The following DHX57 variants were observed in gnomAD, a reference collection of about 807,000 sequenced individuals.
DHX57 encodes putative ATP-dependent RNA helicase DHX57.
DHX57 carries 105 observed loss-of-function variants against 156.2 expected under a neutral mutation model. That is an observed-to-expected ratio of 0.67 (90% CI 0.57 to 0.79). The LOEUF is 0.79. Among genes scored for constraint, DHX57 ranks in the 30% least tolerant of loss-of-function variants. DHX57 has a pLI of 0.00. For synonymous variants in DHX57, 704 were observed against 595.6 expected (o/e 1.18, Z -2.65); for missense variants, 1,847 against 1,661.9 (o/e 1.11, Z -1.94).
At chr2:38,856,636 TGG>T in intron 6 of DHX57, 175 bp from the exon 7 acceptor site, 1 of 747,550 alleles carries the variant, frequency 1.3e-6, no homozygotes, top group East Asian at 3.2e-5. Flanking sequence ...CCCAAGTAGC[TGG>T]GACTACAGGT....
At chr2:38,838,686 G>A in intron 12 of DHX57, 1 of 424,180 alleles carries the variant, frequency 2.4e-6, no homozygotes, top group Non-Finnish European at 4.7e-6. Flanking sequence ...TCAATGGACA[G>A]AGACCCCAGC....
chr2:38,801,378 A>G (rs1317685775), intron 23 of DHX57, among the ~76,000 whole-genome samples: 1 of 150,948 alleles, frequency 6.6e-6, no homozygotes, highest in Non-Finnish European at 1.5e-5. Context: ...AGTTGGGATT[A>G]CGGGTGTCCA....
chr2:38,857,099 T>G (rs1220062575), intron 6 of DHX57: 1 of 154,186 alleles, frequency 6.5e-6, no homozygotes, highest in Non-Finnish European at 1.5e-5. Context: ...TCTATACCTG[T>G]GCTGTCCAAT....
chr2:38,811,098 C>A, intron 21 of DHX57: 1 of 565,188 alleles, frequency 1.8e-6, no homozygotes, highest in Non-Finnish European at 3.3e-6. Context: ...TCCAAGATTC[C>A]AGCCTCGTGG....
chr2:38,870,504 A>T (rs1205881232), intron 1 of DHX57, among the ~76,000 whole-genome samples: 8 of 152,366 alleles, frequency 5.3e-5, no homozygotes, highest in East Asian at 1.9e-4. Flanking sequence ...ACAGGGGGGA[A>T]CCCCAATAAA....
chr2:38,848,643 A>G (rs1672416940), intron 9 of DHX57, among the ~76,000 whole-genome samples: 3 of 152,216 alleles, frequency 2.0e-5, no homozygotes, highest in Admixed American at 2.0e-4. Context: ...CTCAGATTTT[A>G]GAATAGTTGC....
intron 11 of DHX57, 82 bp downstream of exon 11, chr2:38,846,937 T>G (rs1672318898): frequency 1.6e-6 from 2 of 1,214,066 alleles, no homozygotes; most frequent in Non-Finnish European, 2.4e-6. Context: ...CCTCCCACCT[T>G]TGCCTTCCAA....
intron 22 of DHX57, among the ~76,000 whole-genome samples, chr2:38,804,231 C>T (rs182287265): frequency 5.4e-4 from 83 of 152,296 alleles, no homozygotes; most frequent in Non-Finnish European, 1.0e-3. Flanking sequence ...TGGCTCACGC[C>T]TGTAATCCCA....
intron 21 of DHX57, among the ~76,000 whole-genome samples, chr2:38,809,508 C>G (rs1392870251): frequency 6.7e-6 from 1 of 149,040 alleles, no homozygotes. Flanking sequence ...GTCACCCAGG[C>G]TGGAGTGTGG....
intron 1 of DHX57, among the ~76,000 whole-genome samples, chr2:38,869,411 G>A (rs556055454): frequency 6.6e-6 from 1 of 152,346 alleles, no homozygotes; most frequent in Non-Finnish European, 1.5e-5. Flanking sequence ...TAGTTTGCAG[G>A]AAGCAAACCA....
chr2:38,851,208 A>G (rs1672574915), intron 9 of DHX57, among the ~76,000 whole-genome samples: 1 of 152,222 alleles, frequency 6.6e-6, no homozygotes, highest in Non-Finnish European at 1.5e-5. Context: ...TCTAACTCCC[A>G]ATATACTCCC....
intron 16 of DHX57, among the ~76,000 whole-genome samples, chr2:38,823,840 A>G (rs1415433385): frequency 6.6e-6 from 1 of 152,008 alleles, no homozygotes; most frequent in Non-Finnish European, 1.5e-5. Flanking sequence ...GGTGAAACCC[A>G]GTCTCTACTA....
intron 3 of DHX57, chr2:38,862,795 C>A (rs1673304576): frequency 6.5e-6 from 1 of 154,252 alleles, no homozygotes. Flanking sequence ...GCTACATAAT[C>A]TCCCTTTCTA....
chr2:38,854,855 C>T (rs955465081), intron 8 of DHX57: 16 of 489,126 alleles, frequency 3.3e-5, no homozygotes, highest in Middle Eastern at 6.0e-4. Context: ...AGCCACCGCG[C>T]CTGGCCATAA....
intron 9 of DHX57, 193 bp downstream of exon 9, chr2:38,853,861 G>A: frequency 2.2e-6 from 1 of 450,108 alleles, no homozygotes. Context: ...TAAGTGATGA[G>A]CATGTGCTGT....
intron 7 of DHX57, 91 bp from the exon 8 acceptor site, chr2:38,855,343 G>T: frequency 7.5e-7 from 1 of 1,335,132 alleles, no homozygotes. Flanking sequence ...AAGTGATAAA[G>T]CTAATTAGAA....
At chr2:38,837,737 C>T in intron 13 of DHX57, 94 bp downstream of exon 13, 2 of 760,404 alleles carry the variant, frequency 2.6e-6, no homozygotes, top group South Asian at 3.2e-5. Flanking sequence ...TGTGCAGAGT[C>T]TGCATGTAAT....
chr2:38,843,043 T>G lies in DHX57; in HGVS notation c.2387A>C (p.Gln796Pro). 1 of 1,614,188 alleles carries G rather than the reference T, an allele frequency of 6.2e-7. No homozygotes were observed. Among genetic ancestry groups the G allele is most frequent in the Non-Finnish European group, 8.5e-7 (1 of 1,180,010 alleles). ...QDSVKDAVPDQQLDFKQLLAR... is the reference protein window; with the variant it reads ...QDSVKDAVPDPQLDFKQLLAR... ...CAGGAGCTGCTTAAAATCTAACTGT[T>G]GATCTGGCACTGCATCTTTGACAGA... The change falls in exon 12 of 24, where the codon CAA becomes CCA. Residue 796 changes from glutamine to proline, a missense_variant. By Grantham distance (76) the Gln-to-Pro change is moderately conservative. Coordinates refer to ENST00000457308, the MANE Select transcript of DHX57 (RefSeq NM_198963.3).
intron 12 of DHX57, among the ~76,000 whole-genome samples, chr2:38,841,015 G>T (rs1317116542): frequency 1.3e-5 from 2 of 152,142 alleles, no homozygotes; most frequent in African/African-American, 2.4e-5. Context: ...TAGAGACAAG[G>T]TCTCAATGTA....
Sources: allele counts gnomAD v4.1 joint callset (sites outside exome capture counted in the v4.1 genomes callset), GRCh38; gene constraint gnomAD v4.1.1; transcripts MANE v1.5; gene names NCBI Gene and HGNC (gene_info 2026-07-23, HGNC 2026-07-21).